PPP1R9A: variants seen among roughly 807,000 people sequenced by gnomAD.
PPP1R9A encodes protein phosphatase 1 regulatory subunit 9A, also known as neurabin-1.
PPP1R9A carries 59 observed loss-of-function variants against 141.9 expected under a neutral mutation model. The observed-to-expected ratio is 0.42, with a 90% CI of 0.34 to 0.52. The LOEUF (loss-of-function observed/expected upper bound fraction) is 0.52. PPP1R9A is among the 20% of genes least tolerant of loss of function. PPP1R9A has a pLI of 0.10. For missense variants in PPP1R9A, 1,444 were observed against 1,611.9 expected (o/e 0.90, Z 1.78); for synonymous variants, 500 against 569.7 (o/e 0.88, Z 1.74).
chr7:95,233,329 T>C (rs1490967156), intron 8 of PPP1R9A, among the ~76,000 whole-genome samples: 2 of 146,822 alleles, frequency 1.4e-5, no homozygotes, highest in Non-Finnish European at 3.0e-5. Context: ...TGAGAAGATA[T>C]GGGCACAGGG....
chr7:95,076,268 TTAGTC>T (rs1814842722), intron 2 of PPP1R9A, among the ~76,000 whole-genome samples: 1 of 152,180 alleles, frequency 6.6e-6, no homozygotes, highest in African/African-American at 2.4e-5. Context: ...AACACAGTTC[TTAGTC>T]TAAAGTGGCA....
At chr7:95,029,888 G>A (rs961213928) in intron 2 of PPP1R9A, among the ~76,000 whole-genome samples, 3 of 152,132 alleles carry the variant, frequency 2.0e-5, no homozygotes, top group Admixed American at 6.6e-5. Flanking sequence ...CTAAATGATT[G>A]GTACATTTAC....
chr7:95,094,879 CAAAAAAAAAAAAAAA>C (rs1166550834), intron 2 of PPP1R9A, among the ~76,000 whole-genome samples: 2 of 44,974 alleles, frequency 4.4e-5, no homozygotes, highest in Non-Finnish European at 8.5e-5. Context: ...GACTGCGTCT[CAAAAAAAAAAAAAAA>C]AAAAAAAAAA....
chr7:95,046,564 C>G (rs779836634), intron 2 of PPP1R9A, among the ~76,000 whole-genome samples: 1 of 152,086 alleles, frequency 6.6e-6, no homozygotes, highest in Non-Finnish European at 1.5e-5. Context: ...TATTTAAATT[C>G]TTTCTTAATA....
intron 2 of PPP1R9A, among the ~76,000 whole-genome samples, chr7:95,084,828 C>T (rs1351579723): frequency 6.6e-6 from 1 of 151,918 alleles, no homozygotes; most frequent in Non-Finnish European, 1.5e-5. Context: ...TTGTTATGGA[C>T]ATTAAGATTG....
rs1798903984 is a variant in PPP1R9A, at chr7:95,251,781, A to G, written c.2416A>G (p.Arg806Gly). 1 of 1,613,590 alleles carries G rather than the reference A, an allele frequency of 6.2e-7. No individual in the cohort carries two copies. The highest frequency in any genetic ancestry group is 1.7e-5 in the Admixed American group (1 of 59,956). Residue 806 changes from arginine (R) to glycine (G), a missense_variant, in exon 11 of 20, where the codon AGA becomes GGA. Physicochemically the swap from Arg to Gly is moderately radical, Grantham distance 125. Around this residue, in one of 5 missense-constraint regions of PPP1R9A, gnomAD observed 488 missense variants for 542.0 expected, o/e 0.90. Transcript: ENST00000433360. The part of the protein sequence containing the change: ...FQQKELDFIK[R>G]QEAERKKIED... ...CTTAAGAGAGCTTGATTTCATCAAA[A>G]GACAGGAAGCAGAAAGAAAGAAAAT...
At chr7:95,112,308 A>C (rs976924278) in intron 3 of PPP1R9A, among the ~76,000 whole-genome samples, 2 of 152,222 alleles carry the variant, frequency 1.3e-5, no homozygotes, top group African/African-American at 4.8e-5. Flanking sequence ...AAACATGAAA[A>C]AACACTCCAC....
At chr7:95,118,478 C>T (rs1821907734) in intron 3 of PPP1R9A, among the ~76,000 whole-genome samples, 1 of 152,174 alleles carries the variant, frequency 6.6e-6, no homozygotes. Flanking sequence ...TTGCATCAGG[C>T]AGCTCATCCA....
rs1806425675 is a variant in PPP1R9A at position 95,024,031 on chromosome 7, T to G, written c.1396-87228T>G. On this transcript the variant is annotated intron_variant, in intron 2 of 19. Coordinates refer to ENST00000433360, the MANE Select transcript of PPP1R9A (RefSeq NM_001166160.2). The stretch of plus-strand genomic sequence containing the variant: ...CGAAGAAATGTTTTCTGCCCTAATT[T>G]CTTTGTTTACCCAGTAGTCCTTTAG... Among the ~76,000 whole-genome samples, 3 of 152,204 alleles carry G rather than the reference T, an allele frequency of 2.0e-5. No homozygotes were observed. The South Asian group carries it at 6.2e-4, about 31-fold the overall frequency.
chr7:95,249,471 T>C lies in PPP1R9A; in HGVS notation c.2167-555T>C, dbSNP rs1053388154. Among the ~76,000 whole-genome samples the C allele has an allele frequency of 2.0e-5, 3 of 152,090 alleles. No homozygotes were observed. The South Asian group carries it at 6.2e-4, about 32-fold the overall frequency. On this transcript the variant is annotated intron_variant, in intron 9 of 19. Transcript: ENST00000433360. Reference sequence around the variant, plus strand: ...TATCACAATTCTGTTGTATGGATGATGTAATTGAGTCTTGGAGAACTTCAA... The same window carrying C: ...TATCACAATTCTGTTGTATGGATGACGTAATTGAGTCTTGGAGAACTTCAA...
intron 2 of PPP1R9A, among the ~76,000 whole-genome samples, chr7:95,051,865 A>G (rs6975275): frequency 0.47 from 69,529 of 148,030 alleles, 16,935 homozygotes; most frequent in African/African-American, 0.53. Flanking sequence ...TTTTTGAGAC[A>G]GAGTCTCTCT....
chr7:95,113,625 A>G (rs1363764377), intron 3 of PPP1R9A, among the ~76,000 whole-genome samples: 2 of 152,228 alleles, frequency 1.3e-5, no homozygotes, highest in African/African-American at 4.8e-5. Flanking sequence ...ATGTAGAAAT[A>G]ATTTTACATG....
intron 2 of PPP1R9A, among the ~76,000 whole-genome samples, chr7:95,085,447 G>A (rs1039708559): frequency 6.1e-5 from 7 of 114,284 alleles, no homozygotes; most frequent in Non-Finnish European, 1.2e-4. Flanking sequence ...TTTGAGTCTT[G>A]CTCTGTCACC....
chr7:95,080,782 G>T (rs1815690716), intron 2 of PPP1R9A, among the ~76,000 whole-genome samples: 1 of 152,080 alleles, frequency 6.6e-6, no homozygotes, highest in Non-Finnish European at 1.5e-5. Context: ...TGGCATTCTG[G>T]TCTCCTACAG....
intron 4 of PPP1R9A, among the ~76,000 whole-genome samples, chr7:95,137,933 T>C (rs1353943789): frequency 1.3e-5 from 2 of 148,922 alleles, no homozygotes; most frequent in Non-Finnish European, 2.9e-5. Flanking sequence ...TTTCTTTTTT[T>C]CTTTTTTTTT....
intron 2 of PPP1R9A, among the ~76,000 whole-genome samples, chr7:95,034,917 T>C (rs1461274726): frequency 1.3e-5 from 2 of 152,168 alleles, no homozygotes; most frequent in East Asian, 3.8e-4. Context: ...GAGACCTAAA[T>C]GCAGGGATGT....
intron 16 of PPP1R9A, among the ~76,000 whole-genome samples, chr7:95,277,062 G>A (rs1188843790): frequency 2.0e-5 from 3 of 152,136 alleles, no homozygotes; most frequent in Non-Finnish European, 4.4e-5. Flanking sequence ...CACCAACCCT[G>A]GGAGACTTCC....
intron 2 of PPP1R9A, among the ~76,000 whole-genome samples, chr7:94,984,842 T>C (rs1468489681): frequency 7.2e-5 from 11 of 151,970 alleles, no homozygotes; most frequent in Non-Finnish European, 1.6e-4. Context: ...TTCAGTTCTT[T>C]TCTGATCTTA....
intron 12 of PPP1R9A, among the ~76,000 whole-genome samples, chr7:95,263,345 A>G (rs866429279): frequency 6.6e-6 from 1 of 152,214 alleles, no homozygotes. Flanking sequence ...CCCTTTGACC[A>G]ACATCTCCTA....
Sources: gnomAD v4.1 joint callset for allele counts (sites outside exome capture counted in the v4.1 genomes callset) on GRCh38, gnomAD v4.1.1 for gene constraint, gnomAD v4.1.1 regional missense constraint, MANE v1.5 for transcripts, NCBI Gene and HGNC (gene_info 2026-07-23, HGNC 2026-07-21) for gene names.